The following RBFOX1 variants were observed in gnomAD, a reference collection of about 807,000 sequenced individuals.
RBFOX1 encodes RNA binding fox-1 homolog 1, also known as RNA binding protein fox-1 homolog 1.
Under a neutral mutation model 57.7 loss-of-function variants are expected in RBFOX1, and 8 were observed. The observed-to-expected ratio is 0.14, with a 90% CI of 0.08 to 0.25. The LOEUF is 0.25. Ranked by LOEUF, RBFOX1 falls within the 10% of genes least tolerant of loss-of-function variation. The pLI, the probability that RBFOX1 is intolerant of heterozygous loss-of-function variation, is 1.00. For synonymous variants in RBFOX1, 326 were observed against 222.4 expected, an observed-to-expected ratio of 1.47 and a Z score of -4.15; for missense variants, 611 against 548.5, an observed-to-expected ratio of 1.11 and a Z score of -1.14.
chr16:5,931,749 C>A (rs1009474257), intron 4 of RBFOX1, among the ~76,000 whole-genome samples: 7 of 152,130 alleles, frequency 4.6e-5, no homozygotes, highest in African/African-American at 1.7e-4. Flanking sequence ...GATTCCCTAC[C>A]CGTCTCATGC....
intron 3 of RBFOX1, among the ~76,000 whole-genome samples, chr16:6,794,308 A>T (rs2083530559): frequency 7.0e-6 from 1 of 142,616 alleles, no homozygotes; most frequent in African/African-American, 2.6e-5. Flanking sequence ...TTTTACAATG[A>T]AGGCATTCCA....
chr16:6,772,219 A>G (rs1460134257), intron 3 of RBFOX1, among the ~76,000 whole-genome samples: 1 of 152,064 alleles, frequency 6.6e-6, no homozygotes, highest in Non-Finnish European at 1.5e-5. Flanking sequence ...GAAGTGGGCT[A>G]GTGGGGAGTT....
intron 3 of RBFOX1, among the ~76,000 whole-genome samples, chr16:5,646,327 T>C (rs916186946): frequency 6.6e-6 from 1 of 151,856 alleles, no homozygotes; most frequent in African/African-American, 2.4e-5. Flanking sequence ...GTTGTGGAGA[T>C]AGGGTCTCAC....
chr16:7,092,113 C>G (rs1438951479), intron 4 of RBFOX1, among the ~76,000 whole-genome samples: 1 of 152,204 alleles, frequency 6.6e-6, no homozygotes, highest in Non-Finnish European at 1.5e-5. Context: ...TTAAAGACAT[C>G]TTAAAGATGT....
At chr16:6,473,326 T>C (rs1021805829) in intron 2 of RBFOX1, among the ~76,000 whole-genome samples, 1 of 152,142 alleles carries the variant, frequency 6.6e-6, no homozygotes, top group African/African-American at 2.4e-5. Flanking sequence ...AAGTGCTCAA[T>C]TAATCCTTGA....
chr16:5,862,772 G>A (rs1053497424), intron 3 of RBFOX1, among the ~76,000 whole-genome samples: 6 of 152,042 alleles, frequency 3.9e-5, no homozygotes, highest in African/African-American at 7.2e-5. Context: ...TCATGTTTCC[G>A]AAAGAGACCT....
chr16:5,942,991 C>T (rs1436457025), intron 4 of RBFOX1, among the ~76,000 whole-genome samples: 4 of 152,136 alleles, frequency 2.6e-5, no homozygotes, highest in East Asian at 1.9e-4. Context: ...CTGCCAAGCA[C>T]CCCCCAAGGG....
intron 2 of RBFOX1, among the ~76,000 whole-genome samples, chr16:6,509,951 T>G (rs994760893): frequency 6.6e-6 from 1 of 152,198 alleles, no homozygotes; most frequent in Non-Finnish European, 1.5e-5. Context: ...ATGGGATGTT[T>G]ACTCAAAGGC....
intron 1 of RBFOX1, among the ~76,000 whole-genome samples, chr16:5,293,829 T>C (rs1263792186): frequency 6.6e-6 from 1 of 152,116 alleles, no homozygotes; most frequent in African/African-American, 2.4e-5. Context: ...TGAAAATGTT[T>C]TGCAACTAGA....
chr16:7,518,412 G>T (rs2076829276), intron 5 of RBFOX1, 23 bp downstream of exon 5: 24 of 1,593,332 alleles, frequency 1.5e-5, no homozygotes, highest in Non-Finnish European at 1.9e-5. Context: ...GTTTGCTACG[G>T]GTGGGAGGTT....
chr16:6,767,269 C>G (rs1230622591), intron 3 of RBFOX1, among the ~76,000 whole-genome samples: 1 of 152,010 alleles, frequency 6.6e-6, no homozygotes, highest in East Asian at 1.9e-4. Flanking sequence ...TCAAGTCTCT[C>G]CAAGGAGACT....
At chr16:5,424,994 T>TTTCTTTCTTTCTTTTTTTCTTTC (rs58404221) in intron 1 of RBFOX1, among the ~76,000 whole-genome samples, 8 of 89,656 alleles carry the variant, frequency 8.9e-5, no homozygotes, top group Admixed American at 8.9e-4. Flanking sequence ...TTTTCTTTTC[T>TTTCTTTCTTTCTTTTTTTCTTTC]TTTCTTTTCT....
At chr16:5,477,413 C>G (rs2069366952) in intron 2 of RBFOX1, among the ~76,000 whole-genome samples, 3 of 152,182 alleles carry the variant, frequency 2.0e-5, no homozygotes, top group South Asian at 2.1e-4. Flanking sequence ...ACCCAAAGAG[C>G]TAGGAGAGAA....
chr16:6,959,659 G>T (rs973804401), intron 3 of RBFOX1, among the ~76,000 whole-genome samples: 1 of 152,128 alleles, frequency 6.6e-6, no homozygotes, highest in Non-Finnish European at 1.5e-5. Context: ...AGCTGAGGCT[G>T]GGCGTAATGG....
At chr16:6,730,692 C>G (rs1349808607) in intron 3 of RBFOX1, among the ~76,000 whole-genome samples, 1 of 152,148 alleles carries the variant, frequency 6.6e-6, no homozygotes, top group African/African-American at 2.4e-5. Flanking sequence ...AGATGAAATG[C>G]CACTGTCCAA....
At chr16:5,621,864 A>G (rs182946493) in intron 3 of RBFOX1, among the ~76,000 whole-genome samples, 17 of 152,244 alleles carry the variant, frequency 1.1e-4, no homozygotes, top group East Asian at 5.8e-4. Flanking sequence ...TCGTGTTTCA[A>G]TGCTTAGGGG....
intron 2 of RBFOX1, among the ~76,000 whole-genome samples, chr16:6,360,625 A>G (rs2088284651): frequency 6.6e-6 from 1 of 152,236 alleles, no homozygotes; most frequent in Non-Finnish European, 1.5e-5. Context: ...TGGACCATCT[A>G]TTACTTGACA....
chr16:5,831,260 ATGAG>A (rs895240821), intron 3 of RBFOX1, among the ~76,000 whole-genome samples: 4 of 151,866 alleles, frequency 2.6e-5, no homozygotes, highest in Admixed American at 6.6e-5. Context: ...GCCCTTAGTG[ATGAG>A]TGAGTGAGTT....
intron 3 of RBFOX1, among the ~76,000 whole-genome samples, chr16:7,015,932 A>G (rs143069636): frequency 4.1e-4 from 62 of 152,288 alleles, no homozygotes; most frequent in African/African-American, 1.4e-3. Context: ...TTTGAAGGGT[A>G]AAGACCCAGT....
Sources: allele counts gnomAD v4.1 joint callset (sites outside exome capture counted in the v4.1 genomes callset), GRCh38; gene constraint gnomAD v4.1.1; transcripts MANE v1.5; gene names NCBI Gene and HGNC (gene_info 2026-07-23, HGNC 2026-07-21).